Variants in RABGAP1L observed in about 807,000 individuals in gnomAD.
RABGAP1L encodes rab GTPase-activating protein 1-like.
Under a neutral mutation model 137.7 loss-of-function variants are expected in RABGAP1L, and 63 were observed. The ratio of observed to expected loss-of-function variants is 0.46; its 90% CI spans 0.37 to 0.56. RABGAP1L has a LOEUF of 0.56. RABGAP1L is among the 20% of genes least tolerant of loss of function. The pLI, the probability that RABGAP1L is intolerant of heterozygous loss-of-function variation, is 0.00. For synonymous variants in RABGAP1L, 431 were observed against 433.7 expected (o/e 0.99, Z 0.08); for missense variants, 1,095 against 1,244.0 (o/e 0.88, Z 1.80).
chr1:174,823,387 C>T (rs759165753), intron 19 of RABGAP1L, among the ~76,000 whole-genome samples: 9 of 152,148 alleles, frequency 5.9e-5, no homozygotes, highest in Admixed American at 2.0e-4. Flanking sequence ...AACCATTTAC[C>T]GTGATTCTAC....
intron 17 of RABGAP1L, among the ~76,000 whole-genome samples, chr1:174,723,141 C>A (rs960241484): frequency 1.3e-5 from 2 of 152,130 alleles, no homozygotes; most frequent in African/African-American, 4.8e-5. Flanking sequence ...ATGGTGCAAT[C>A]TCAGCCCACT....
chr1:174,904,474 C>T (rs751408608), intron 19 of RABGAP1L, among the ~76,000 whole-genome samples: 10 of 152,172 alleles, frequency 6.6e-5, no homozygotes, highest in African/African-American at 9.7e-5. Context: ...AGCATCATGA[C>T]TGCCTAAAGG....
chr1:174,898,205 A>T (rs1419017760), intron 19 of RABGAP1L, among the ~76,000 whole-genome samples: 1 of 152,146 alleles, frequency 6.6e-6, no homozygotes, highest in African/African-American at 2.4e-5. Context: ...ATAAAATGAT[A>T]GTTTGATGAG....
chr1:174,615,783 T>C (rs531006101), intron 13 of RABGAP1L, among the ~76,000 whole-genome samples: 4 of 152,292 alleles, frequency 2.6e-5, no homozygotes, highest in Admixed American at 6.5e-5. Flanking sequence ...TGGGCAATGG[T>C]GGGCGCCCCT....
chr1:174,182,718 A>G (rs990919828), intron 1 of RABGAP1L, among the ~76,000 whole-genome samples: 1 of 151,924 alleles, frequency 6.6e-6, no homozygotes, highest in Non-Finnish European at 1.5e-5. Flanking sequence ...CACTTGAGTG[A>G]ATCTTTGTTA....
intron 14 of RABGAP1L, among the ~76,000 whole-genome samples, chr1:174,665,242 C>T (rs1676695222): frequency 6.6e-6 from 1 of 152,092 alleles, no homozygotes; most frequent in Non-Finnish European, 1.5e-5. Context: ...TGAATTCTAG[C>T]TCTGCTGCAT....
chr1:174,539,263 AT>A (rs962085129), intron 13 of RABGAP1L, among the ~76,000 whole-genome samples: 11 of 151,242 alleles, frequency 7.3e-5, no homozygotes, highest in Admixed American at 6.6e-4. Context: ...TTTTTGATTT[AT>A]TTTTTTCATT....
chr1:174,550,974 G>GTATATATACATA lies in RABGAP1L; in HGVS notation c.1711-86392_1711-86381dup, dbSNP rs1470566585. Among the ~76,000 whole-genome samples, 81 of 36,044 alleles carry GTATATATACATA rather than the reference G, an allele frequency of 2.2e-3. 1 individual carries two copies. The highest frequency in any genetic ancestry group is 2.7e-3 in the Non-Finnish European group (57 of 21,158). 23.6% of individuals were successfully genotyped at this position (36,044 alleles called of 152,430 possible). On this transcript the variant is annotated intron_variant, in intron 13 of 25. Transcript: ENST00000681986. ...CATATATATACACATATATATACAT[G>GTATATATACATA]TATATATACATATATATATATACAC...
intron 14 of RABGAP1L, among the ~76,000 whole-genome samples, chr1:174,674,058 A>T (rs965434693): frequency 8.0e-5 from 12 of 150,402 alleles, no homozygotes; most frequent in Non-Finnish European, 8.9e-5. Context: ...TTGAGTGTTC[A>T]GAGTTTTTTT....
chr1:174,467,708 A>C (rs529951474), intron 13 of RABGAP1L, among the ~76,000 whole-genome samples: 22 of 152,244 alleles, frequency 1.4e-4, no homozygotes, highest in African/African-American at 4.3e-4. Flanking sequence ...TGGTTATCAC[A>C]CTTCTACTAA....
intron 13 of RABGAP1L, among the ~76,000 whole-genome samples, chr1:174,407,894 T>C (rs1302512498): frequency 6.6e-6 from 1 of 152,144 alleles, no homozygotes; most frequent in Non-Finnish European, 1.5e-5. Context: ...TAAAATGTAC[T>C]GGAGAGATGA....
chr1:174,387,955 A>G (rs1331248206), intron 12 of RABGAP1L, among the ~76,000 whole-genome samples: 3 of 152,140 alleles, frequency 2.0e-5, no homozygotes, highest in Non-Finnish European at 4.4e-5. Context: ...TGTAAACTAC[A>G]GAAGTATAAA....
chr1:174,466,111 T>C (rs1558258356), intron 13 of RABGAP1L, among the ~76,000 whole-genome samples: 2 of 152,220 alleles, frequency 1.3e-5, no homozygotes, highest in Non-Finnish European at 2.9e-5. Flanking sequence ...CTTAGCTTTG[T>C]AGTGAACTTA....
At chr1:174,371,604 T>TATATATA (rs1685116820) in intron 12 of RABGAP1L, among the ~76,000 whole-genome samples, 1 of 152,130 alleles carries the variant, frequency 6.6e-6, no homozygotes, top group African/African-American at 2.4e-5. Flanking sequence ...ATTTATTATA[T>TATATATA]TAAGTACTTT....
At chr1:174,352,802 C>T (rs1408411978) in intron 11 of RABGAP1L, among the ~76,000 whole-genome samples, 1 of 152,188 alleles carries the variant, frequency 6.6e-6, no homozygotes, top group East Asian at 1.9e-4. Context: ...TTAGAGGGCA[C>T]CCCAAGCCAT....
At chr1:174,586,960 C>A (rs1296801798) in intron 13 of RABGAP1L, among the ~76,000 whole-genome samples, 1 of 151,920 alleles carries the variant, frequency 6.6e-6, no homozygotes, top group African/African-American at 2.4e-5. Flanking sequence ...CATGTGTTCT[C>A]ATTGTTCAAT....
intron 13 of RABGAP1L, among the ~76,000 whole-genome samples, chr1:174,544,080 T>C (rs945537504): frequency 6.6e-6 from 1 of 152,206 alleles, no homozygotes; most frequent in Non-Finnish European, 1.5e-5. Flanking sequence ...GTCTTGGAGT[T>C]GCTCTTCTCG....
chr1:174,440,701 G>A (rs544907801), intron 13 of RABGAP1L, among the ~76,000 whole-genome samples: 28 of 152,080 alleles, frequency 1.8e-4, no homozygotes, highest in East Asian at 1.7e-3. Context: ...GATTACAGGC[G>A]TGCACCACCA....
chr1:174,383,533 G>T (rs1686414291), intron 12 of RABGAP1L, among the ~76,000 whole-genome samples: 1 of 152,194 alleles, frequency 6.6e-6, no homozygotes, highest in Non-Finnish European at 1.5e-5. Context: ...GCAATATTCG[G>T]GTGGGAGTGA....
Sources: allele counts gnomAD v4.1 joint callset (sites outside exome capture counted in the v4.1 genomes callset), GRCh38; gene constraint gnomAD v4.1.1; transcripts MANE v1.5; gene names NCBI Gene and HGNC (gene_info 2026-07-23, HGNC 2026-07-21).